The following RFX3 variants were observed in gnomAD, a reference collection of about 807,000 sequenced individuals.
RFX3 encodes regulatory factor X3.
A neutral mutation model predicts 98.6 loss-of-function variants in RFX3; 14 were observed. That is an observed-to-expected ratio of 0.14 (90% CI 0.09 to 0.22). The LOEUF (loss-of-function observed/expected upper bound fraction) is 0.22, where lower values mean the gene tolerates loss of function less well. Among genes scored for constraint, RFX3 ranks in the 10% least tolerant of loss-of-function variants. RFX3 has a pLI of 1.00. For synonymous variants in RFX3, 383 were observed against 328.4 expected, an observed-to-expected ratio of 1.17 and a Z score of -1.80; for missense variants, 639 against 926.9, an observed-to-expected ratio of 0.69 and a Z score of 4.03.
intron 2 of RFX3, among the ~76,000 whole-genome samples, chr9:3,375,771 T>C (rs572072006): frequency 5.3e-5 from 8 of 152,042 alleles, no homozygotes; most frequent in Non-Finnish European, 8.8e-5. Context: ...CCATCCTGGC[T>C]AACACGGTGA....
Position 3,221,522 on chromosome 9 carries a change from C to G in RFX3, c.*3520G>C, listed in dbSNP as rs951657191. 34 of 152,134 alleles carry G rather than the reference C, an allele frequency of 2.2e-4. No homozygotes were observed. The highest frequency in any genetic ancestry group is 7.9e-4 in the African/African-American group (33 of 41,512). The allele number at this position is 152,134 out of a possible 1,614,324, so 9.4% of individuals were successfully genotyped here. Reference sequence around the variant, plus strand: ...ACCATCTAAAGAGAGGTGCATAAACCGTGCTATACAGTACAAGAAAAATCA... The same window carrying G: ...ACCATCTAAAGAGAGGTGCATAAACGGTGCTATACAGTACAAGAAAAATCA... On this transcript the variant is annotated 3_prime_UTR_variant, in exon 17 of 17. Coordinates refer to ENST00000617270, the MANE Select transcript of RFX3 (RefSeq NM_001282116.2).
chr9:3,451,414 C>T (rs1008488198), intron 1 of RFX3, among the ~76,000 whole-genome samples: 16 of 152,040 alleles, frequency 1.1e-4, no homozygotes, highest in African/African-American at 3.4e-4. Context: ...GGCATGGTGG[C>T]GTGTCTGTAG....
intron 4 of RFX3, among the ~76,000 whole-genome samples, chr9:3,316,729 A>ACAAC (rs1830642209): frequency 6.6e-6 from 1 of 150,468 alleles, no homozygotes; most frequent in Admixed American, 6.6e-5. Flanking sequence ...CTATACACCA[A>ACAAC]TGACAGAGAG....
intron 4 of RFX3, among the ~76,000 whole-genome samples, chr9:3,326,126 G>A (rs1163245035): frequency 6.6e-6 from 1 of 151,906 alleles, no homozygotes; most frequent in African/African-American, 2.4e-5. Context: ...CCTTTTAAAT[G>A]TATGTGTATG....
chr9:3,504,101 TTC>T (rs148460230), intron 1 of RFX3, among the ~76,000 whole-genome samples: 18 of 137,586 alleles, frequency 1.3e-4, no homozygotes, highest in Admixed American at 4.4e-4. Context: ...CAATACATCT[TTC>T]TCTCTCTCTC....
chr9:3,518,086 G>A (rs1043853609), intron 1 of RFX3, among the ~76,000 whole-genome samples: 4 of 152,140 alleles, frequency 2.6e-5, no homozygotes, highest in African/African-American at 9.7e-5. Flanking sequence ...AACATGCTAC[G>A]CAGGTTTATA....
At chr9:3,253,769 T>G (rs1821744710) in intron 14 of RFX3, among the ~76,000 whole-genome samples, 1 of 152,218 alleles carries the variant, frequency 6.6e-6, no homozygotes, top group East Asian at 1.9e-4. Context: ...AGGGCCTGTG[T>G]ATGTGACTGC....
intron 3 of RFX3, among the ~76,000 whole-genome samples, chr9:3,337,485 C>T (rs571996739): frequency 1.3e-5 from 2 of 152,236 alleles, no homozygotes; most frequent in East Asian, 3.9e-4. Flanking sequence ...CTCAAATAAC[C>T]AGGTGGACTT....
chr9:3,445,489 G>C (rs1005115618), intron 1 of RFX3, among the ~76,000 whole-genome samples: 1 of 152,108 alleles, frequency 6.6e-6, no homozygotes, highest in Non-Finnish European at 1.5e-5. Context: ...AGGATCTGAA[G>C]TCAAGCCCAT....
chr9:3,333,236 A>C (rs1173068119), intron 3 of RFX3, among the ~76,000 whole-genome samples: 1 of 152,188 alleles, frequency 6.6e-6, no homozygotes. Context: ...CTACTCCAAG[A>C]TTTTTGATTA....
chr9:3,495,818 A>G (rs1186548304), intron 1 of RFX3, among the ~76,000 whole-genome samples: 1 of 152,108 alleles, frequency 6.6e-6, no homozygotes, highest in Non-Finnish European at 1.5e-5. Context: ...TAATCACACT[A>G]GCTACTTCAA....
chr9:3,518,948 T>C (rs1818442102), intron 1 of RFX3, among the ~76,000 whole-genome samples: 1 of 152,332 alleles, frequency 6.6e-6, no homozygotes, highest in African/African-American at 2.4e-5. Context: ...AAATGTAGAA[T>C]AATTCTTTGA....
rs1817502285 is a variant in RFX3, at chr9:3,223,863, A to G, written c.*1179T>C. ...GATGATCCCTGATGTACATTCTTCAATGGCAATGGTCCATCCAGCCACCTA... is the reference window on the plus strand; with the variant it reads ...GATGATCCCTGATGTACATTCTTCAGTGGCAATGGTCCATCCAGCCACCTA... On this transcript the variant is annotated 3_prime_UTR_variant, in exon 17 of 17. Coordinates refer to ENST00000617270, the MANE Select transcript of RFX3 (RefSeq NM_001282116.2). 6.6e-6 allele frequency: 1 copy of G among 152,232 alleles called. No individual in the cohort carries two copies. The highest frequency in any genetic ancestry group is 2.4e-5 in the African/African-American group (1 of 41,456). 9.4% of individuals were successfully genotyped at this position (152,232 alleles called of 1,614,324 possible). A position where few individuals can be genotyped will look rare whatever the true frequency, so the allele number is the denominator to read the frequency against.
At chr9:3,347,252 C>A (rs1834542076) in intron 2 of RFX3, among the ~76,000 whole-genome samples, 1 of 151,520 alleles carries the variant, frequency 6.6e-6, no homozygotes, top group African/African-American at 2.4e-5. Flanking sequence ...ACCTGGGAGG[C>A]AGAGGTTGCA....
chr9:3,502,131 C>T (rs1400274317), intron 1 of RFX3, among the ~76,000 whole-genome samples: 37 of 149,556 alleles, frequency 2.5e-4, no homozygotes, highest in African/African-American at 8.8e-4. Context: ...TAGTGGCGGG[C>T]GCCTGTAGTC....
intron 1 of RFX3, among the ~76,000 whole-genome samples, chr9:3,496,996 T>C (rs1851152456): frequency 6.6e-6 from 1 of 152,004 alleles, no homozygotes; most frequent in Admixed American, 6.6e-5. Context: ...CTGACAAAAA[T>C]CTACATTCAA....
chr9:3,411,862 C>G (rs1331879152), intron 1 of RFX3, among the ~76,000 whole-genome samples: 3 of 152,088 alleles, frequency 2.0e-5, no homozygotes, highest in Non-Finnish European at 2.9e-5. Flanking sequence ...CAAACACTGG[C>G]TACACAACAG....
intron 1 of RFX3, among the ~76,000 whole-genome samples, chr9:3,457,886 T>C (rs1399607517): frequency 9.9e-5 from 15 of 151,996 alleles, no homozygotes; most frequent in Non-Finnish European, 5.9e-5. Flanking sequence ...TAGACAGAAA[T>C]ATAGACTGCT....
At chr9:3,448,675 C>T (rs1032246550) in intron 1 of RFX3, among the ~76,000 whole-genome samples, 24 of 152,144 alleles carry the variant, frequency 1.6e-4, no homozygotes, top group Non-Finnish European at 3.2e-4. Flanking sequence ...CATTCTACCA[C>T]ATCTGGCCAA....
Sources: allele counts gnomAD v4.1 joint callset (sites outside exome capture counted in the v4.1 genomes callset), GRCh38; gene constraint gnomAD v4.1.1; transcripts MANE v1.5; gene names NCBI Gene and HGNC (gene_info 2026-07-23, HGNC 2026-07-21).